Variants in KLHL7 observed in about 807,000 individuals in gnomAD.
KLHL7 encodes the protein kelch like family member 7, also known as kelch-like protein 7.
KLHL7 carries 44 observed loss-of-function variants against 67.4 expected under a neutral mutation model. The observed-to-expected ratio is 0.65, with a 90% CI of 0.51 to 0.84. The LOEUF (loss-of-function observed/expected upper bound fraction) is 0.84, where lower values mean the gene tolerates loss of function less well. KLHL7 is among the 40% of genes least tolerant of loss of function. KLHL7 has a pLI of 0.00. For missense variants in KLHL7, 362 were observed against 718.1 expected (o/e 0.50, Z 5.67); for synonymous variants, 252 against 243.3 (o/e 1.04, Z -0.33).
chr7:23,118,594 T>C (rs1272036315), intron 1 of KLHL7, among the ~76,000 whole-genome samples: 1 of 152,210 alleles, frequency 6.6e-6, no homozygotes, highest in Non-Finnish European at 1.5e-5. Flanking sequence ...CTCTTCCACA[T>C]GTGATGGATG....
chr7:23,106,601 C>T, intron 1 of KLHL7: 1 of 1,039,520 alleles, frequency 9.6e-7, no homozygotes, highest in Non-Finnish European at 1.2e-6. Flanking sequence ...GGATCCCCGC[C>T]CCCTCCTGTG....
At chr7:23,170,853 A>G (rs1785136442) in intron 9 of KLHL7, among the ~76,000 whole-genome samples, 1 of 151,642 alleles carries the variant, frequency 6.6e-6, no homozygotes, top group African/African-American at 2.4e-5. Context: ...GAAAGAAATT[A>G]TGTCTATGGA....
chr7:23,139,088 TAAA>T (rs60821313), intron 4 of KLHL7, among the ~76,000 whole-genome samples: 4 of 129,860 alleles, frequency 3.1e-5, no homozygotes, highest in African/African-American at 5.5e-5. Flanking sequence ...TTATTAATGC[TAAA>T]AAAAAAAAAA....
intron 1 of KLHL7, among the ~76,000 whole-genome samples, chr7:23,111,332 A>C (rs1554283792): frequency 6.6e-6 from 1 of 152,200 alleles, no homozygotes; most frequent in Non-Finnish European, 1.5e-5. Context: ...AGACTGATTA[A>C]AGGTCAGTGT....
chr7:23,159,769 A>C (rs1235906934), intron 7 of KLHL7, among the ~76,000 whole-genome samples: 1 of 152,124 alleles, frequency 6.6e-6, no homozygotes, highest in African/African-American at 2.4e-5. Context: ...AGCTCAAGCA[A>C]TCTGCCTGCC....
chr7:23,108,603 G>A (rs977309551), intron 1 of KLHL7, among the ~76,000 whole-genome samples: 3 of 152,134 alleles, frequency 2.0e-5, no homozygotes, highest in Non-Finnish European at 2.9e-5. Flanking sequence ...TGTAACCATC[G>A]AAGTTAGAGC....
intron 8 of KLHL7, among the ~76,000 whole-genome samples, chr7:23,166,527 A>G (rs1226273640): frequency 6.6e-6 from 1 of 152,160 alleles, no homozygotes. Context: ...GGCTAGATAC[A>G]TAATAGCTTT....
chr7:23,143,626 C>T (rs1784262902), intron 5 of KLHL7, among the ~76,000 whole-genome samples: 1 of 152,000 alleles, frequency 6.6e-6, no homozygotes, highest in African/African-American at 2.4e-5. Flanking sequence ...CCTGTCATTA[C>T]ACTACATAAT....
At chr7:23,134,238 C>T (rs1223461579) in intron 4 of KLHL7, among the ~76,000 whole-genome samples, 5 of 152,094 alleles carry the variant, frequency 3.3e-5, no homozygotes, top group East Asian at 1.9e-4. Flanking sequence ...TTTGTTGATA[C>T]GCTGTATCAC....
At chr7:23,130,858 A>G (rs1783773863) in intron 4 of KLHL7, among the ~76,000 whole-genome samples, 1 of 152,240 alleles carries the variant, frequency 6.6e-6, no homozygotes, top group African/African-American at 2.4e-5. Context: ...TGTTGTTACG[A>G]AATAGAAATA....
chr7:23,165,439 C>G (rs1784974620), intron 7 of KLHL7, among the ~76,000 whole-genome samples: 1 of 152,066 alleles, frequency 6.6e-6, no homozygotes, highest in African/African-American at 2.4e-5. Flanking sequence ...GATGGTATAT[C>G]CAAATATATT....
chr7:23,124,610 A>G (rs1342659860), intron 2 of KLHL7, 78 bp from the exon 3 acceptor site: 15 of 859,880 alleles, frequency 1.7e-5, no homozygotes, highest in Non-Finnish European at 2.8e-5. Context: ...CATATTTAAC[A>G]TGGCCTGGAA....
chr7:23,145,782 G>A (rs917959322), intron 6 of KLHL7, among the ~76,000 whole-genome samples: 1 of 152,200 alleles, frequency 6.6e-6, no homozygotes, highest in Admixed American at 6.5e-5. Flanking sequence ...CCAGGCTGGA[G>A]TACAGTGGTA....
intron 5 of KLHL7, 147 bp from the exon 6 acceptor site, chr7:23,143,704 A>G: frequency 1.2e-6 from 1 of 830,674 alleles, no homozygotes; most frequent in South Asian, 1.4e-5. Flanking sequence ...TGTTTTGAAG[A>G]ACCAGCAAGT....
chr7:23,165,151 A>C (rs550848303), intron 7 of KLHL7, among the ~76,000 whole-genome samples: 8 of 152,346 alleles, frequency 5.3e-5, no homozygotes, highest in East Asian at 1.9e-4. Context: ...CCTTATAAAC[A>C]TCAACAGTTT....
chr7:23,153,013 T>A (rs557662251), intron 7 of KLHL7, among the ~76,000 whole-genome samples: 9 of 152,190 alleles, frequency 5.9e-5, no homozygotes, highest in Non-Finnish European at 1.0e-4. Flanking sequence ...AAACCCATTT[T>A]TGGTTGGATA....
At chr7:23,124,965 G>A (rs1275380416) in intron 3 of KLHL7, 83 bp from the exon 4 acceptor site, 3 of 1,303,566 alleles carry the variant, frequency 2.3e-6, no homozygotes, top group Non-Finnish European at 2.2e-6. Context: ...TTTAATTTCA[G>A]GGGCTATTAG....
chr7:23,155,667 AC>A (rs66625848), intron 7 of KLHL7, among the ~76,000 whole-genome samples: 76,958 of 145,902 alleles, frequency 0.53, 21,851 homozygotes, highest in East Asian at 0.8. Context: ...AACCAAAAAA[AC>A]AAAACAAAAC....
chr7:23,121,272 G>T (rs1484120210), intron 1 of KLHL7, among the ~76,000 whole-genome samples: 1 of 152,092 alleles, frequency 6.6e-6, no homozygotes, highest in Non-Finnish European at 1.5e-5. Flanking sequence ...TATCTTGGCT[G>T]TTGTGCATAG....
Sources: gnomAD v4.1 joint callset for allele counts (sites outside exome capture counted in the v4.1 genomes callset) on GRCh38, gnomAD v4.1.1 for gene constraint, MANE v1.5 for transcripts, NCBI Gene and HGNC (gene_info 2026-07-23, HGNC 2026-07-21) for gene names.